The following PTPRD variants were observed in gnomAD, a reference collection of about 807,000 sequenced individuals.
PTPRD encodes protein tyrosine phosphatase receptor type D.
A neutral mutation model predicts 214.5 loss-of-function variants in PTPRD; 34 were observed. That is an observed-to-expected ratio of 0.16 (90% CI 0.12 to 0.21). PTPRD has a LOEUF of 0.21. Ranked by LOEUF, PTPRD falls within the 10% of genes least tolerant of loss-of-function variation. PTPRD has a pLI of 1.00. For synonymous variants in PTPRD, 1,128 were observed against 845.7 expected, an observed-to-expected ratio of 1.33 and a Z score of -5.79; for missense variants, 2,545 against 2,398.7, an observed-to-expected ratio of 1.06 and a Z score of -1.27.
intron 11 of PTPRD, among the ~76,000 whole-genome samples, chr9:8,932,126 T>C (rs2098957168): frequency 6.6e-6 from 1 of 152,172 alleles, no homozygotes; most frequent in Non-Finnish European, 1.5e-5. Context: ...GATTCGTTGA[T>C]TTTTTGAAGG....
At chr9:10,596,224 G>C (rs905926462) in intron 2 of PTPRD, among the ~76,000 whole-genome samples, 1 of 151,704 alleles carries the variant, frequency 6.6e-6, no homozygotes, top group Non-Finnish European at 1.5e-5. Flanking sequence ...GGAAATCAGA[G>C]TTTGACTACT....
intron 6 of PTPRD, among the ~76,000 whole-genome samples, chr9:9,743,665 A>C (rs945081736): frequency 6.6e-6 from 1 of 151,140 alleles, no homozygotes; most frequent in Admixed American, 6.6e-5. Context: ...CAGAAGAAGA[A>C]ATGAAAACAC....
At chr9:8,755,229 A>C (rs917525118) in intron 11 of PTPRD, among the ~76,000 whole-genome samples, 2 of 150,062 alleles carry the variant, frequency 1.3e-5, no homozygotes, top group South Asian at 2.1e-4. Flanking sequence ...AAAAAAAAAA[A>C]AAACAAAAAA....
At chr9:8,347,081 C>T (rs2074038162) in intron 39 of PTPRD, among the ~76,000 whole-genome samples, 1 of 150,844 alleles carries the variant, frequency 6.6e-6, no homozygotes, top group Admixed American at 6.6e-5. Flanking sequence ...GATCATATCC[C>T]CTGCGGATAG....
At chr9:9,916,896 A>G (rs986325581) in intron 5 of PTPRD, among the ~76,000 whole-genome samples, 2 of 151,936 alleles carry the variant, frequency 1.3e-5, no homozygotes, top group African/African-American at 4.8e-5. Flanking sequence ...ATAGAATAAA[A>G]TGATAACAAG....
rs561953861 is a variant in PTPRD at position 8,376,151 on chromosome 9, T to G, written c.4507-61A>C. The G allele has an allele frequency of 1.3e-5, 20 of 1,585,528 alleles. No homozygotes were observed. In the South Asian group the frequency reaches 2.3e-4, roughly 18 times the overall value. The stretch of plus-strand genomic sequence containing the variant: ...CCAAGCCTCAGGTGGTAATGATGAA[T>G]AACAGGGAAGAGGTAATGCTAAAAT... On this transcript the variant is annotated intron_variant, in intron 38 of 45. Coordinates refer to ENST00000381196, the MANE Select transcript of PTPRD (RefSeq NM_002839.4).
chr9:9,147,338 T>C (rs2099870339), intron 10 of PTPRD, among the ~76,000 whole-genome samples: 2 of 151,898 alleles, frequency 1.3e-5, no homozygotes, highest in African/African-American at 4.8e-5. Context: ...GGGGAGGGGA[T>C]TAATACTGTT....
chr9:8,904,318 A>G (rs1394456971), intron 11 of PTPRD, among the ~76,000 whole-genome samples: 1 of 152,194 alleles, frequency 6.6e-6, no homozygotes, highest in African/African-American at 2.4e-5. Flanking sequence ...ATATATCCAT[A>G]TTCAAATTTC....
At chr9:9,246,106 T>A (rs74422027) in intron 9 of PTPRD, among the ~76,000 whole-genome samples, 118 of 152,148 alleles carry the variant, frequency 7.8e-4, no homozygotes, top group African/African-American at 2.7e-3. Context: ...TTGGTAGGAA[T>A]GGGGGTGACT....
chr9:9,664,810 A>T (rs2096685570), intron 7 of PTPRD, among the ~76,000 whole-genome samples: 1 of 151,704 alleles, frequency 6.6e-6, no homozygotes, highest in African/African-American at 2.4e-5. Context: ...TATGTTAATG[A>T]GAAAGCCTCT....
At chr9:8,537,571 T>A (rs191057164) in intron 14 of PTPRD, among the ~76,000 whole-genome samples, 1 of 152,066 alleles carries the variant, frequency 6.6e-6, no homozygotes, top group Non-Finnish European at 1.5e-5. Flanking sequence ...AGTCACTGGA[T>A]ACAAGAGTCT....
chr9:9,786,383 C>A (rs573357536), intron 5 of PTPRD, among the ~76,000 whole-genome samples: 5 of 152,268 alleles, frequency 3.3e-5, no homozygotes, highest in East Asian at 1.9e-4. Flanking sequence ...GAGAGAGTAT[C>A]AAGAACCTGA....
chr9:9,395,903 C>T (rs757466457), intron 9 of PTPRD, among the ~76,000 whole-genome samples: 6 of 152,016 alleles, frequency 3.9e-5, no homozygotes, highest in East Asian at 1.9e-4. Context: ...TTTTTGTAAT[C>T]GGACTATTGC....
intron 5 of PTPRD, among the ~76,000 whole-genome samples, chr9:9,911,312 T>G (rs901087880): frequency 6.6e-6 from 1 of 152,090 alleles, no homozygotes; most frequent in African/African-American, 2.4e-5. Flanking sequence ...GAACTCTTAC[T>G]TAGAGTCTCT....
intron 11 of PTPRD, among the ~76,000 whole-genome samples, chr9:8,885,711 G>A (rs1211964327): frequency 1.3e-5 from 2 of 151,784 alleles, no homozygotes; most frequent in Non-Finnish European, 2.9e-5. Flanking sequence ...TGGCCAGGCT[G>A]GTCTTGAACT....
chr9:9,075,779 A>G (rs1221714139), intron 10 of PTPRD, among the ~76,000 whole-genome samples: 3 of 152,134 alleles, frequency 2.0e-5, no homozygotes, highest in Non-Finnish European at 4.4e-5. Flanking sequence ...CATGATGTAT[A>G]TGTGCCACAT....
At chr9:9,414,363 G>C (rs1467429310) in intron 8 of PTPRD, among the ~76,000 whole-genome samples, 1 of 152,188 alleles carries the variant, frequency 6.6e-6, no homozygotes, top group Non-Finnish European at 1.5e-5. Flanking sequence ...GATTGGCAAG[G>C]ATGGAGAATT....
intron 3 of PTPRD, among the ~76,000 whole-genome samples, chr9:10,060,650 T>C (rs1380578381): frequency 1.3e-5 from 2 of 151,674 alleles, no homozygotes; most frequent in South Asian, 2.1e-4. Flanking sequence ...ACATGACAAA[T>C]TGCATGCAAA....
At chr9:9,584,951 A>G (rs1034009872) in intron 7 of PTPRD, among the ~76,000 whole-genome samples, 18 of 151,978 alleles carry the variant, frequency 1.2e-4, no homozygotes, top group African/African-American at 4.3e-4. Flanking sequence ...TTGCACAACC[A>G]CAAGGATGCC....
Sources: gnomAD v4.1 joint callset for allele counts (sites outside exome capture counted in the v4.1 genomes callset) on GRCh38, gnomAD v4.1.1 for gene constraint, MANE v1.5 for transcripts, NCBI Gene and HGNC (gene_info 2026-07-23, HGNC 2026-07-21) for gene names.